CPAP: variants seen among roughly 807,000 people sequenced by gnomAD.
CPAP encodes the protein centrosome assembly and centriole elongation protein.
the CPAP span, among the ~76,000 whole-genome samples, chr13:24,897,815 C>T: frequency 0.84 from 127,189 of 152,166 alleles, 53,261 homozygotes; most frequent in East Asian, 0.9. Flanking sequence ...TACCAAACGA[C>T]TGGAAAATCT....
the CPAP span, among the ~76,000 whole-genome samples, chr13:24,886,690 CAAACT>C: frequency 1.3e-5 from 2 of 152,098 alleles, no homozygotes; most frequent in East Asian, 1.9e-4. Context: ...GTTATGTGTG[CAAACT>C]AAACTATAAC....
At chr13:24,884,384 T>A in the CPAP span, 2 of 1,614,104 alleles carry the variant, frequency 1.2e-6, no homozygotes, top group Non-Finnish European at 1.7e-6. Context: ...AGTGATGGTC[T>A]TCCCATCTGC....
At chr13:24,930,574 C>T in the CPAP span, among the ~76,000 whole-genome samples, 1 of 152,136 alleles carries the variant, frequency 6.6e-6, no homozygotes, top group Admixed American at 6.5e-5. Context: ...TTTGGTTTTT[C>T]TGTTCCTTTA....
the CPAP span, among the ~76,000 whole-genome samples, chr13:24,927,171 T>A: frequency 6.6e-6 from 1 of 152,166 alleles, no homozygotes; most frequent in Non-Finnish European, 1.5e-5. Flanking sequence ...TCCCTGTTCA[T>A]CTTTGGGAAT....
At chr13:24,917,999 C>G in the CPAP span, among the ~76,000 whole-genome samples, 1 of 152,204 alleles carries the variant, frequency 6.6e-6, no homozygotes, top group Admixed American at 6.5e-5. Context: ...AACACTGTTG[C>G]ATTGGGAATT....
At chr13:24,896,524 G>A in the CPAP span, among the ~76,000 whole-genome samples, 5 of 152,248 alleles carry the variant, frequency 3.3e-5, no homozygotes, top group African/African-American at 1.2e-4. Context: ...ACAGGGATAA[G>A]AGCTAGCAGC....
the CPAP span, among the ~76,000 whole-genome samples, chr13:24,883,630 G>GGTT: frequency 2.0e-5 from 3 of 151,926 alleles, no homozygotes; most frequent in East Asian, 3.8e-4. Context: ...TCTTCCTTTT[G>GGTT]GTTGTTATAT....
chr13:24,905,128 G>A, the CPAP span, among the ~76,000 whole-genome samples: 2 of 152,170 alleles, frequency 1.3e-5, no homozygotes, highest in Non-Finnish European at 2.9e-5. Context: ...GAAAGGAAAC[G>A]TAGAAGCTTT....
the CPAP span, among the ~76,000 whole-genome samples, chr13:24,905,073 A>AGGAAGGGG: frequency 6.6e-6 from 1 of 152,208 alleles, no homozygotes; most frequent in Non-Finnish European, 1.5e-5. Context: ...CGAAATGGTA[A>AGGAAGGGG]TACTGGTACC....
the CPAP span, chr13:24,883,117 A>G: frequency 7.2e-7 from 1 of 1,392,090 alleles, no homozygotes; most frequent in Non-Finnish European, 1.0e-6. Flanking sequence ...ATCCACAGTA[A>G]ATGTACATTT....
the CPAP span, among the ~76,000 whole-genome samples, chr13:24,887,510 C>G: frequency 6.6e-6 from 1 of 152,138 alleles, no homozygotes; most frequent in Non-Finnish European, 1.5e-5. Context: ...TGCGAGGGAT[C>G]CAGGTTGCAC....
chr13:24,899,511 T>C, the CPAP span: 16 of 1,613,742 alleles, frequency 9.9e-6, no homozygotes, highest in Non-Finnish European at 1.3e-5. Flanking sequence ...AGCTTCCTCA[T>C]CTCCTCCTTT....
the CPAP span, chr13:24,889,376 T>C: frequency 6.2e-7 from 1 of 1,610,918 alleles, no homozygotes; most frequent in Non-Finnish European, 8.5e-7. Flanking sequence ...GAAATCTGAC[T>C]GTTTTGAAAT....
At chr13:24,888,921 G>T in the CPAP span, among the ~76,000 whole-genome samples, 1 of 152,218 alleles carries the variant, frequency 6.6e-6, no homozygotes, top group Non-Finnish European at 1.5e-5. Flanking sequence ...CTTGGGAGCA[G>T]TATTGCAGAT....
the CPAP span, among the ~76,000 whole-genome samples, chr13:24,891,244 C>T: frequency 6.6e-5 from 10 of 152,182 alleles, no homozygotes; most frequent in Non-Finnish European, 1.5e-5. Flanking sequence ...GGACTCCTGG[C>T]CTCCTGCTCT....
At chr13:24,929,668 G>A in the CPAP span, among the ~76,000 whole-genome samples, 128 of 152,100 alleles carry the variant, frequency 8.4e-4, no homozygotes, top group African/African-American at 2.8e-3. Context: ...TTATCAAATT[G>A]GGACTTTGGG....
chr13:24,932,836 CAT>C, the CPAP span, among the ~76,000 whole-genome samples: 5 of 152,352 alleles, frequency 3.3e-5, no homozygotes, highest in African/African-American at 4.8e-5. Context: ...AACCAACACA[CAT>C]GTTGCAAGCT....
At chr13:24,917,961 T>C in the CPAP span, among the ~76,000 whole-genome samples, 1 of 152,226 alleles carries the variant, frequency 6.6e-6, no homozygotes, top group African/African-American at 2.4e-5. Context: ...CCTCATGACC[T>C]AATCACCTCT....
At chr13:24,933,982 T>C in the CPAP span, among the ~76,000 whole-genome samples, 1 of 152,164 alleles carries the variant, frequency 6.6e-6, no homozygotes, top group Non-Finnish European at 1.5e-5. Flanking sequence ...TGTCTCGGCC[T>C]CCCAAAGGGC....
Sources: allele counts gnomAD v4.1 joint callset (sites outside exome capture counted in the v4.1 genomes callset), GRCh38; gene constraint gnomAD v4.1.1; transcripts MANE v1.5; gene names NCBI Gene and HGNC (gene_info 2026-07-23, HGNC 2026-07-21).